Variants in MAGI2 observed in about 807,000 individuals in gnomAD.
The protein encoded by MAGI2 is membrane associated guanylate kinase, WW and PDZ domain containing 2, also known as membrane-associated guanylate kinase, WW and PDZ domain-containing protein 2.
In MAGI2, 35 loss-of-function variants were observed where a neutral mutation model predicts 133.3. The ratio of observed to expected loss-of-function variants is 0.26; its 90% CI spans 0.20 to 0.35. MAGI2 has a LOEUF of 0.35. MAGI2 is among the 10% of genes least tolerant of loss of function. MAGI2 has a pLI of 1.00. For missense variants in MAGI2, 1,636 were observed against 1,863.4 expected, an observed-to-expected ratio of 0.88 and a Z score of 2.25; for synonymous variants, 729 against 710.6, an observed-to-expected ratio of 1.03 and a Z score of -0.41.
At chr7:79,083,117 A>G (rs1465233070) in intron 1 of MAGI2, among the ~76,000 whole-genome samples, 4 of 151,388 alleles carry the variant, frequency 2.6e-5, no homozygotes, top group Non-Finnish European at 4.4e-5. Context: ...AGTTCATGTA[A>G]TCTGTTAATA....
chr7:78,662,448 C>G (rs1249612921), intron 2 of MAGI2, among the ~76,000 whole-genome samples: 1 of 152,152 alleles, frequency 6.6e-6, no homozygotes, highest in Non-Finnish European at 1.5e-5. Context: ...TAAATTCTAT[C>G]TTAGCAACAC....
At chr7:78,431,099 T>TGTGTGTGTGTGTGA (rs1167947937) in intron 6 of MAGI2, among the ~76,000 whole-genome samples, 1 of 151,846 alleles carries the variant, frequency 6.6e-6, no homozygotes, top group African/African-American at 2.4e-5. Flanking sequence ...TGTGTGTGTG[T>TGTGTGTGTGTGTGA]GTGTGTTTTA....
At chr7:78,036,606 C>T (rs1810253790) in intron 21 of MAGI2, among the ~76,000 whole-genome samples, 1 of 149,450 alleles carries the variant, frequency 6.7e-6, no homozygotes, top group Non-Finnish European at 1.5e-5. Flanking sequence ...CCAGTTTTAT[C>T]CCCTTTAGAT....
intron 6 of MAGI2, chr7:78,485,045 G>C (rs1792839256): frequency 6.6e-6 from 1 of 151,938 alleles, no homozygotes; most frequent in Non-Finnish European, 1.5e-5. Flanking sequence ...TTTTGATATG[G>C]ATTCTAACCC....
chr7:79,240,815 T>G (rs1832339610), intron 1 of MAGI2, among the ~76,000 whole-genome samples: 1 of 152,138 alleles, frequency 6.6e-6, no homozygotes, highest in South Asian at 2.1e-4. Flanking sequence ...TTTCTTCATG[T>G]CTGTTGTGTT....
In MAGI2 at chr7:78,971,422, T is replaced by C. The variant is rs1232625560; in HGVS notation, c.418+35668A>G. 1.3e-5 allele frequency among the ~76,000 whole-genome samples: 2 copies of C among 152,036 alleles called. 1 individual carries two copies. Among genetic ancestry groups the C allele is most frequent in the South Asian group, 4.1e-4 (2 of 4,826 alleles). ...CAAGTACTAAAATACATATATTCTA[T>C]GGTAGGTACAGCAATACTTCCTTAC... On this transcript the variant is annotated intron_variant, in intron 2 of 21. Coordinates refer to ENST00000354212, the MANE Select transcript of MAGI2 (RefSeq NM_012301.4).
At chr7:79,197,658 T>G (rs1244353518) in intron 1 of MAGI2, among the ~76,000 whole-genome samples, 1 of 152,024 alleles carries the variant, frequency 6.6e-6, no homozygotes, top group African/African-American at 2.4e-5. Context: ...CAAAATACCT[T>G]AAATTGGGTA....
intron 3 of MAGI2, chr7:78,618,279 G>A (rs185446162): frequency 9.9e-5 from 15 of 152,078 alleles, no homozygotes; most frequent in African/African-American, 3.6e-4. Flanking sequence ...ATTCTCTTGT[G>A]TGCCTCTTAT....
At chr7:78,160,446 C>G (rs955737707) in intron 15 of MAGI2, among the ~76,000 whole-genome samples, 173 bp from the exon 16 acceptor site, 1 of 152,220 alleles carries the variant, frequency 6.6e-6, no homozygotes, top group Non-Finnish European at 1.5e-5. Context: ...AGGCGTGGAG[C>G]TCCCAAGGTC....
chr7:78,266,394 A>G (rs1481021408), intron 9 of MAGI2, among the ~76,000 whole-genome samples: 1 of 151,338 alleles, frequency 6.6e-6, no homozygotes, highest in Admixed American at 6.6e-5. Flanking sequence ...TAGAGATGGG[A>G]GTTTTGTCAT....
At chr7:79,012,419 T>C (rs972517835) in intron 1 of MAGI2, 2 of 152,162 alleles carry the variant, frequency 1.3e-5, no homozygotes, top group Non-Finnish European at 2.9e-5. Flanking sequence ...TTCTCTTTAG[T>C]ACTTTGCGCA....
In MAGI2 at chr7:79,393,169, A is replaced by C. The variant is rs575548814; in HGVS notation, c.301+59851T>G. The stretch of plus-strand genomic sequence containing the variant: ...GAAATCTGTTTCATTAAATGGCTGC[A>C]AAGGTGTATTTTCCCATTTTCTGAT... On this transcript the variant is annotated intron_variant, in intron 1 of 21. Coordinates refer to ENST00000354212, the MANE Select transcript of MAGI2 (RefSeq NM_012301.4). 2.8e-4 allele frequency among the ~76,000 whole-genome samples: 42 copies of C among 152,286 alleles called. No homozygotes were observed. In the South Asian group the frequency reaches 8.7e-3, roughly 32 times the overall value.
At chr7:79,114,501 T>G (rs931685207) in intron 1 of MAGI2, among the ~76,000 whole-genome samples, 4 of 152,142 alleles carry the variant, frequency 2.6e-5, no homozygotes, top group African/African-American at 7.2e-5. Context: ...AGCTTCAATT[T>G]AATCATTTTG....
At chr7:78,308,077 G>C (rs1798389901) in intron 9 of MAGI2, among the ~76,000 whole-genome samples, 1 of 152,156 alleles carries the variant, frequency 6.6e-6, no homozygotes, top group Non-Finnish European at 1.5e-5. Context: ...TTTAAATAAT[G>C]GGCAATGAAT....
rs559795256 is a variant in MAGI2 at position 79,276,184 on chromosome 7, C to G, written c.301+176836G>C. On this transcript the variant is annotated intron_variant, in intron 1 of 21. Transcript: ENST00000354212. ...TTGAAAACTTTCTGGAAAGGATTCA[C>G]CATTAAGAACATTTGTGACTCATGG... Among the ~76,000 whole-genome samples the G allele has an allele frequency of 4.4e-4, 67 of 152,238 alleles. 4 individuals are homozygous for G. In the South Asian group the frequency reaches 0.013, roughly 31 times the overall value.
At chr7:79,221,629 C>T (rs1391125088) in intron 1 of MAGI2, among the ~76,000 whole-genome samples, 1 of 151,960 alleles carries the variant, frequency 6.6e-6, no homozygotes, top group African/African-American at 2.4e-5. Flanking sequence ...CTGGGGAAGG[C>T]TTAAATACAA....
In MAGI2 at chr7:79,115,859, T is replaced by TG. The variant is rs1161298776; in HGVS notation, c.302-108654_302-108653insC. Among the ~76,000 whole-genome samples the TG allele has an allele frequency of 8.8e-5, 12 of 136,270 alleles. No homozygotes were observed. In the South Asian group the frequency reaches 1.6e-3, roughly 19 times the overall value. The allele number at this position is 136,270 out of a possible 152,430, so 89.4% of individuals were successfully genotyped here. ...ATTATTCTAAATGTTTTAAAGTTTTTTTTTTTTTTTTTTTTTTTTTTTTAA... is the reference window on the plus strand; with the variant it reads ...ATTATTCTAAATGTTTTAAAGTTTTTGTTTTTTTTTTTTTTTTTTTTTTTAA... On this transcript the variant is annotated intron_variant, in intron 1 of 21. Coordinates refer to ENST00000354212, the MANE Select transcript of MAGI2 (RefSeq NM_012301.4).
intron 9 of MAGI2, among the ~76,000 whole-genome samples, chr7:78,291,314 A>AC (rs1240280714): frequency 8.5e-5 from 13 of 152,264 alleles, no homozygotes; most frequent in African/African-American, 2.9e-4. Context: ...ATCTATGCAA[A>AC]TAAACTAGAA....
intron 3 of MAGI2, among the ~76,000 whole-genome samples, chr7:78,556,230 C>T (rs976096238): frequency 6.6e-6 from 1 of 152,154 alleles, no homozygotes; most frequent in African/African-American, 2.4e-5. Context: ...GATTGAATGA[C>T]TTACAGGGGT....
Sources: gnomAD v4.1 joint callset for allele counts (sites outside exome capture counted in the v4.1 genomes callset) on GRCh38, gnomAD v4.1.1 for gene constraint, MANE v1.5 for transcripts, NCBI Gene and HGNC (gene_info 2026-07-23, HGNC 2026-07-21) for gene names.